Variants in COX7B2 observed in about 807,000 individuals in gnomAD.
The protein encoded by COX7B2 is cytochrome c oxidase subunit 7B2, mitochondrial.
For missense variants in COX7B2, 109 were observed against 95.9 expected, an observed-to-expected ratio of 1.14 and a Z score of -0.57; for synonymous variants, 37 against 32.1, an observed-to-expected ratio of 1.15 and a Z score of -0.51.
At chr4:46,903,720 G>T (rs1025264528) in intron 1 of COX7B2, among the ~76,000 whole-genome samples, 3 of 152,112 alleles carry the variant, frequency 2.0e-5, no homozygotes, top group African/African-American at 7.2e-5. Context: ...TGACCATTGT[G>T]TTACAAGGAC....
At chr4:46,817,633 C>T (rs1719623361) in intron 2 of COX7B2, among the ~76,000 whole-genome samples, 1 of 152,216 alleles carries the variant, frequency 6.6e-6, no homozygotes, top group Non-Finnish European at 1.5e-5. Context: ...GTAAATCAAA[C>T]TTTCTCAAAT....
intron 2 of COX7B2, among the ~76,000 whole-genome samples, chr4:46,803,938 T>C (rs754058711): frequency 2.0e-5 from 3 of 152,170 alleles, no homozygotes; most frequent in Non-Finnish European, 4.4e-5. Flanking sequence ...TGGTGGGTTG[T>C]TGGTCTCACT....
chr4:46,886,657 GTTTC>G (rs1382501351), intron 1 of COX7B2, among the ~76,000 whole-genome samples: 1 of 152,056 alleles, frequency 6.6e-6, no homozygotes, highest in Non-Finnish European at 1.5e-5. Flanking sequence ...AAAGCAACTA[GTTTC>G]TTTAAAATAT....
chr4:46,831,315 GC>G (rs577328070), intron 2 of COX7B2, among the ~76,000 whole-genome samples: 1 of 152,046 alleles, frequency 6.6e-6, no homozygotes, highest in African/African-American at 2.4e-5. Context: ...ATGCCTGAGT[GC>G]CCCCCCAACC....
intron 2 of COX7B2, among the ~76,000 whole-genome samples, chr4:46,790,659 G>C (rs1321787324): frequency 1.3e-5 from 2 of 151,854 alleles, no homozygotes; most frequent in Non-Finnish European, 2.9e-5. Flanking sequence ...TCTGTTCTGG[G>C]TCCCCATATC....
chr4:46,830,816 A>G (rs1274111189), intron 2 of COX7B2, among the ~76,000 whole-genome samples: 1 of 152,256 alleles, frequency 6.6e-6, no homozygotes, highest in Admixed American at 6.5e-5. Flanking sequence ...TTTACTGGGC[A>G]TTAATGTACA....
At chr4:46,848,969 T>C (rs1716479567) in intron 1 of COX7B2, among the ~76,000 whole-genome samples, 1 of 152,046 alleles carries the variant, frequency 6.6e-6, no homozygotes, top group Non-Finnish European at 1.5e-5. Flanking sequence ...CTGTAATAGC[T>C]ACTACAATGT....
At chr4:46,851,412 A>C (rs1716677095) in intron 1 of COX7B2, among the ~76,000 whole-genome samples, 1 of 152,112 alleles carries the variant, frequency 6.6e-6, no homozygotes, top group Non-Finnish European at 1.5e-5. Context: ...TAAACATTTT[A>C]TTTTGAAGTA....
chr4:46,822,097 G>C (rs530478038), intron 2 of COX7B2, among the ~76,000 whole-genome samples: 74 of 152,144 alleles, frequency 4.9e-4, no homozygotes, highest in Admixed American at 8.5e-4. Flanking sequence ...TTTTTTAGTA[G>C]ACACGAGGTT....
intron 2 of COX7B2, among the ~76,000 whole-genome samples, chr4:46,836,136 C>T (rs1577634658): frequency 6.6e-6 from 1 of 152,048 alleles, no homozygotes; most frequent in African/African-American, 2.4e-5. Flanking sequence ...CTACTGTAGA[C>T]TTTATAAACA....
At chr4:46,836,443 A>G (rs1006741284) in intron 2 of COX7B2, among the ~76,000 whole-genome samples, 1 of 152,056 alleles carries the variant, frequency 6.6e-6, no homozygotes, top group African/African-American at 2.4e-5. Flanking sequence ...GATCATCAAT[A>G]TTACTATCTT....
At chr4:46,803,332 T>C (rs1718764789) in intron 2 of COX7B2, among the ~76,000 whole-genome samples, 1 of 152,196 alleles carries the variant, frequency 6.6e-6, no homozygotes, top group Non-Finnish European at 1.5e-5. Flanking sequence ...CAAAGTTATG[T>C]TGCCCTCTAG....
chr4:46,768,941 T>C (rs1002455001), intron 2 of COX7B2, among the ~76,000 whole-genome samples: 3 of 151,812 alleles, frequency 2.0e-5, no homozygotes, highest in Non-Finnish European at 4.4e-5. Context: ...TACACAACAA[T>C]TTGGATAACA....
At chr4:46,863,499 C>A (rs1267254084) in intron 1 of COX7B2, among the ~76,000 whole-genome samples, 3 of 152,174 alleles carry the variant, frequency 2.0e-5, no homozygotes, top group Admixed American at 6.5e-5. Context: ...AGAATAGTCG[C>A]CCATGTTAAA....
chr4:46,745,469 A>G (rs530859372), intron 2 of COX7B2, among the ~76,000 whole-genome samples: 1 of 152,304 alleles, frequency 6.6e-6, no homozygotes, highest in East Asian at 1.9e-4. Flanking sequence ...TCACTTTCAT[A>G]ACATTTTGGA....
At chr4:46,820,445 T>A (rs1243541473) in intron 2 of COX7B2, among the ~76,000 whole-genome samples, 5 of 152,136 alleles carry the variant, frequency 3.3e-5, no homozygotes, top group Non-Finnish European at 7.4e-5. Context: ...TGCAGCCTAG[T>A]TCCTAACAGG....
At chr4:46,845,543 T>TA (rs971602949) in intron 1 of COX7B2, among the ~76,000 whole-genome samples, 4 of 152,032 alleles carry the variant, frequency 2.6e-5, no homozygotes, top group African/African-American at 9.6e-5. Flanking sequence ...GATTTAAAGT[T>TA]AAAAAATCTA....
intron 2 of COX7B2, among the ~76,000 whole-genome samples, chr4:46,756,599 C>T (rs1715816175): frequency 6.6e-6 from 1 of 151,828 alleles, no homozygotes; most frequent in Non-Finnish European, 1.5e-5. Context: ...AGCAACTCAA[C>T]AACAACAAGG....
chr4:46,899,614 C>T (rs1719969901), intron 1 of COX7B2, among the ~76,000 whole-genome samples: 1 of 152,054 alleles, frequency 6.6e-6, no homozygotes, highest in African/African-American at 2.4e-5. Flanking sequence ...AATAGTTGGC[C>T]TTTCATGAGA....
Sources: gnomAD v4.1 joint callset for allele counts (sites outside exome capture counted in the v4.1 genomes callset) on GRCh38, gnomAD v4.1.1 for gene constraint, MANE v1.5 for transcripts, NCBI Gene and HGNC (gene_info 2026-07-23, HGNC 2026-07-21) for gene names.